Variants in PPFIA2 observed in about 807,000 individuals in gnomAD.
PPFIA2 encodes PPFI scaffold protein A2, also known as liprin-alpha-2.
A neutral mutation model predicts 175.5 loss-of-function variants in PPFIA2; 46 were observed. That is an observed-to-expected ratio of 0.26 (90% CI 0.21 to 0.34). The LOEUF is 0.34. PPFIA2 is among the 10% of genes least tolerant of loss of function. The pLI is 1.00. For missense variants in PPFIA2, 1,179 were observed against 1,506.1 expected (o/e 0.78, Z 3.60); for synonymous variants, 568 against 511.4 (o/e 1.11, Z -1.49).
chr12:81,643,003 TA>T (rs1206816312), intron 4 of PPFIA2, among the ~76,000 whole-genome samples: 1 of 147,262 alleles, frequency 6.8e-6, no homozygotes, highest in Non-Finnish European at 1.5e-5. Flanking sequence ...ATATAATATA[TA>T]TTTTATATAG....
At position 81,325,828 on chromosome 12, in the gene PPFIA2, C is replaced by G; in HGVS notation, c.2591G>C (p.Gly864Ala). 1.2e-6 allele frequency: 2 copies of G among 1,612,704 alleles called. No individual in the cohort carries two copies. Among genetic ancestry groups the G allele is most frequent in the Non-Finnish European group, 1.7e-6 (2 of 1,179,072 alleles). The change falls in exon 22 of 33, where the codon GGG becomes GCG. Residue 864 changes from glycine to alanine, a missense_variant. By Grantham distance (60) the Gly-to-Ala change is moderately conservative (BLOSUM62 0). This residue lies in a region of PPFIA2 where 223 missense variants were observed against 241.6 expected (regional missense o/e 0.92). Transcript: ENST00000549396. The stretch of plus-strand genomic sequence containing the variant: ...AGCTTGAGTTCCGAGTTTGCCTAAC[C>G]CCAGGGACTCCTGAGCTGCAGCTTC... ...ETEAAAQESL[G>A]LGKLGTQAEK...
intron 4 of PPFIA2, among the ~76,000 whole-genome samples, chr12:81,555,430 A>G (rs1188406462): frequency 1.3e-5 from 2 of 151,982 alleles, no homozygotes; most frequent in Non-Finnish European, 2.9e-5. Flanking sequence ...TTTTATTGAT[A>G]TAACTTTAAT....
intron 4 of PPFIA2, among the ~76,000 whole-genome samples, chr12:81,612,259 C>T (rs2061002170): frequency 6.6e-6 from 1 of 152,108 alleles, no homozygotes; most frequent in African/African-American, 2.4e-5. Context: ...TGCATAGGAT[C>T]GTAGTGCTCA....
chr12:81,524,464 C>A (rs562618452), intron 4 of PPFIA2, among the ~76,000 whole-genome samples: 10 of 152,306 alleles, frequency 6.6e-5, no homozygotes, highest in African/African-American at 2.2e-4. Flanking sequence ...TGTTCAGGAC[C>A]TATCATTTAT....
intron 15 of PPFIA2, among the ~76,000 whole-genome samples, chr12:81,360,729 T>A (rs1347945976): frequency 6.6e-6 from 1 of 151,776 alleles, no homozygotes; most frequent in East Asian, 1.9e-4. Flanking sequence ...GCATGAATGT[T>A]CTATAAATAA....
intron 4 of PPFIA2, among the ~76,000 whole-genome samples, chr12:81,653,866 C>T (rs1174490331): frequency 6.6e-6 from 1 of 151,852 alleles, no homozygotes; most frequent in African/African-American, 2.4e-5. Context: ...TTCACAATGC[C>T]AGCCAAACAA....
At chr12:81,593,857 T>C (rs563047462) in intron 4 of PPFIA2, among the ~76,000 whole-genome samples, 9 of 152,290 alleles carry the variant, frequency 5.9e-5, no homozygotes, top group African/African-American at 2.2e-4. Flanking sequence ...AGATAATTTC[T>C]GTCATTTAAG....
chr12:81,529,559 A>AAGAGAGAGAGAGAGAGAGAGAGAGAG (rs60373881), intron 4 of PPFIA2, among the ~76,000 whole-genome samples: 1 of 145,692 alleles, frequency 6.9e-6, no homozygotes, highest in African/African-American at 2.6e-5. Flanking sequence ...GGGCAGTGGA[A>AAGAGAGAGAGAGAGAGAGAGAGAGAG]AGAGAGAGAG....
intron 8 of PPFIA2, among the ~76,000 whole-genome samples, chr12:81,402,168 A>G (rs1386768830): frequency 6.6e-6 from 1 of 152,168 alleles, no homozygotes; most frequent in African/African-American, 2.4e-5. Context: ...TAATCCTTCC[A>G]ACTAGGATTT....
At chr12:81,570,106 T>C (rs781583418) in intron 4 of PPFIA2, among the ~76,000 whole-genome samples, 25 of 152,218 alleles carry the variant, frequency 1.6e-4, no homozygotes, top group Non-Finnish European at 2.9e-4. Context: ...CCTATGCTCA[T>C]TACTACTTCC....
At chr12:81,559,761 C>A (rs935596558) in intron 4 of PPFIA2, among the ~76,000 whole-genome samples, 1 of 151,018 alleles carries the variant, frequency 6.6e-6, no homozygotes, top group South Asian at 2.1e-4. Context: ...TTTTACATTT[C>A]ATTTATTTTT....
At chr12:81,452,634 T>C (rs2052806583) in intron 5 of PPFIA2, among the ~76,000 whole-genome samples, 1 of 152,226 alleles carries the variant, frequency 6.6e-6, no homozygotes, top group African/African-American at 2.4e-5. Context: ...CTTTATCTGT[T>C]TTCAGCTGAG....
At chr12:81,284,427 G>A (rs925716974) in intron 24 of PPFIA2, 124 bp from the exon 25 acceptor site, 36 of 699,438 alleles carry the variant, frequency 5.1e-5, no homozygotes, top group Non-Finnish European at 7.9e-5. Context: ...TGCCCCTACC[G>A]TGTGCATGAA....
At chr12:81,718,122 A>G (rs1246666295) in intron 3 of PPFIA2, among the ~76,000 whole-genome samples, 1 of 151,652 alleles carries the variant, frequency 6.6e-6, no homozygotes, top group East Asian at 1.9e-4. Flanking sequence ...CCACTACAGA[A>G]GGGTGACAAA....
At chr12:81,476,764 G>A (rs1263757297) in intron 4 of PPFIA2, among the ~76,000 whole-genome samples, 1 of 152,118 alleles carries the variant, frequency 6.6e-6, no homozygotes, top group East Asian at 1.9e-4. Context: ...GCACACAAGT[G>A]TTCATTGCAG....
intron 4 of PPFIA2, among the ~76,000 whole-genome samples, chr12:81,636,742 T>C (rs1240401526): frequency 6.6e-6 from 1 of 152,094 alleles, no homozygotes; most frequent in Non-Finnish European, 1.5e-5. Flanking sequence ...AACCTCTGCC[T>C]CCCAGGTTCA....
At chr12:81,308,151 A>G (rs1172257779) in intron 22 of PPFIA2, among the ~76,000 whole-genome samples, 4 of 152,210 alleles carry the variant, frequency 2.6e-5, no homozygotes, top group Admixed American at 1.3e-4. Flanking sequence ...TAATTGAGAT[A>G]CATCTAATGC....
chr12:81,529,465 C>T (rs1008171954), intron 4 of PPFIA2, among the ~76,000 whole-genome samples: 5 of 151,336 alleles, frequency 3.3e-5, no homozygotes, highest in South Asian at 4.2e-4. Flanking sequence ...AAGAAATAAC[C>T]TCCCAAGGAG....
intron 3 of PPFIA2, among the ~76,000 whole-genome samples, chr12:81,721,273 T>C (rs2079294603): frequency 1.3e-5 from 2 of 151,336 alleles, no homozygotes; most frequent in Non-Finnish European, 3.0e-5. Flanking sequence ...TTTTCTTTAA[T>C]GATGGTTCTA....
Sources: allele counts gnomAD v4.1 joint callset (sites outside exome capture counted in the v4.1 genomes callset), GRCh38; gene constraint gnomAD v4.1.1; regional missense constraint gnomAD v4.1.1; transcripts MANE v1.5; gene names NCBI Gene and HGNC (gene_info 2026-07-23, HGNC 2026-07-21).